Variants in PTPRN2 observed in about 807,000 individuals in gnomAD.
PTPRN2 encodes receptor-type tyrosine-protein phosphatase N2.
Under a neutral mutation model 118.8 loss-of-function variants are expected in PTPRN2, and 74 were observed. The observed-to-expected ratio is 0.62, with a 90% CI of 0.52 to 0.76. The LOEUF (loss-of-function observed/expected upper bound fraction) is 0.76. Among genes scored for constraint, PTPRN2 ranks in the 30% least tolerant of loss-of-function variants. The pLI is 0.00. For missense variants in PTPRN2, 1,481 were observed against 1,394.4 expected, an observed-to-expected ratio of 1.06 and a Z score of -0.99; for synonymous variants, 641 against 608.0, an observed-to-expected ratio of 1.05 and a Z score of -0.80.
chr7:158,128,090 C>T (rs1817845927), intron 9 of PTPRN2, among the ~76,000 whole-genome samples: 1 of 152,196 alleles, frequency 6.6e-6, no homozygotes. Context: ...CATTCCTCTC[C>T]TTTCTGTGGG....
intron 4 of PTPRN2, among the ~76,000 whole-genome samples, chr7:158,200,458 T>C (rs753542577): frequency 6.6e-6 from 1 of 152,200 alleles, no homozygotes; most frequent in Non-Finnish European, 1.5e-5. Flanking sequence ...ACTCACAGAT[T>C]ACTGTTTTTG....
At chr7:157,841,260 C>G (rs889314006) in intron 12 of PTPRN2, among the ~76,000 whole-genome samples, 1 of 152,244 alleles carries the variant, frequency 6.6e-6, no homozygotes, top group Non-Finnish European at 1.5e-5. Flanking sequence ...ACCGCCTTCA[C>G]TCCCCACACG....
At chr7:157,737,506 G>A (rs193294129) in intron 12 of PTPRN2, among the ~76,000 whole-genome samples, 3 of 152,238 alleles carry the variant, frequency 2.0e-5, no homozygotes, top group South Asian at 2.1e-4. Context: ...GGCAGGGGGC[G>A]CAGGCAGGAG....
chr7:158,074,188 C>A (rs1045085836), intron 11 of PTPRN2, among the ~76,000 whole-genome samples: 1 of 152,226 alleles, frequency 6.6e-6, no homozygotes, highest in South Asian at 2.1e-4. Context: ...CCCCCTCCTG[C>A]ACATCCAGGG....
chr7:158,171,050 T>C (rs1181360412), intron 5 of PTPRN2, among the ~76,000 whole-genome samples: 4 of 77,886 alleles, frequency 5.1e-5, no homozygotes, highest in Non-Finnish European at 8.6e-5. Flanking sequence ...CATACATATA[T>C]ATACACATAT....
At chr7:157,909,295 A>G (rs979496409) in intron 11 of PTPRN2, among the ~76,000 whole-genome samples, 3 of 152,202 alleles carry the variant, frequency 2.0e-5, no homozygotes, top group Admixed American at 1.3e-4. Context: ...CTTCACATAG[A>G]CTTTTAAATG....
intron 12 of PTPRN2, among the ~76,000 whole-genome samples, chr7:157,848,977 G>A (rs1529835): frequency 0.49 from 74,433 of 152,108 alleles, 20,175 homozygotes; most frequent in East Asian, 0.84. Flanking sequence ...CACTGCCCCA[G>A]TGAGAGGACT....
intron 12 of PTPRN2, among the ~76,000 whole-genome samples, chr7:157,872,182 C>A (rs1248349166): frequency 7.5e-6 from 1 of 133,498 alleles, no homozygotes; most frequent in Non-Finnish European, 1.6e-5. Flanking sequence ...ACATACCCAG[C>A]GCCTCCCCAC....
intron 15 of PTPRN2, among the ~76,000 whole-genome samples, chr7:157,612,247 G>A (rs1329038726): frequency 6.6e-6 from 1 of 152,204 alleles, no homozygotes. Flanking sequence ...GTGTGCGCTG[G>A]TGGCGACTTT....
intron 3 of PTPRN2, among the ~76,000 whole-genome samples, chr7:158,312,355 GAC>G (rs200795948): frequency 4.4e-4 from 63 of 142,206 alleles, no homozygotes; most frequent in Middle Eastern, 4.7e-3. Flanking sequence ...CTCAGGTGTA[GAC>G]ACACACACAT....
Position 157,550,802 on chromosome 7 carries a change from G to T in PTPRN2, c.2903-1783C>A, listed in dbSNP as rs1010534586. Among the ~76,000 whole-genome samples the T allele has an allele frequency of 3.0e-4, 45 of 152,338 alleles. No homozygotes were observed. The highest frequency in any genetic ancestry group is 9.6e-4 in the African/African-American group (40 of 41,582). On this transcript the variant is annotated intron_variant, in intron 21 of 22. Transcript: ENST00000389418. The surrounding 1 kb of genome is among the most constrained non-coding windows in gnomAD (Gnocchi z 5.2). ...ACCAGGGAACTAGCTGGCAGCTCACGCGGGTGGAAGGCGGGGTCAGGTGCA... is the reference window on the plus strand; with the variant it reads ...ACCAGGGAACTAGCTGGCAGCTCACTCGGGTGGAAGGCGGGGTCAGGTGCA...
At chr7:158,389,685 C>A (rs1384611291) in intron 2 of PTPRN2, among the ~76,000 whole-genome samples, 1 of 152,254 alleles carries the variant, frequency 6.6e-6, no homozygotes, top group Non-Finnish European at 1.5e-5. Context: ...GCTGCTGGAA[C>A]CAGGCCCTGC....
intron 12 of PTPRN2, among the ~76,000 whole-genome samples, chr7:157,791,073 ATAATC>A (rs1331470620): frequency 6.6e-6 from 1 of 152,252 alleles, no homozygotes; most frequent in Non-Finnish European, 1.5e-5. Flanking sequence ...CCCGTTTCTT[ATAATC>A]TAATTGATAA....
intron 12 of PTPRN2, among the ~76,000 whole-genome samples, chr7:157,841,795 C>A (rs539877380): frequency 6.6e-6 from 1 of 152,130 alleles, no homozygotes; most frequent in East Asian, 1.9e-4. Flanking sequence ...TTGCAGCGTT[C>A]GGGGTGCTGG....
chr7:157,860,138 C>T (rs1454197881), intron 12 of PTPRN2, among the ~76,000 whole-genome samples: 2 of 152,258 alleles, frequency 1.3e-5, no homozygotes, highest in African/African-American at 4.8e-5. Flanking sequence ...GAGCAGCAGC[C>T]CACTGGGGGA....
intron 2 of PTPRN2, among the ~76,000 whole-genome samples, chr7:158,338,305 C>G (rs1395551801): frequency 3.1e-5 from 2 of 64,764 alleles, no homozygotes; most frequent in Admixed American, 1.6e-4. Context: ...CACTCACACC[C>G]ACACTGTCAC....
At chr7:158,512,422 C>T (rs1455904495) in intron 1 of PTPRN2, among the ~76,000 whole-genome samples, 1 of 152,122 alleles carries the variant, frequency 6.6e-6, no homozygotes, top group Non-Finnish European at 1.5e-5. Context: ...ATGGTAAGAG[C>T]CTGGAGTTGG....
intron 2 of PTPRN2, among the ~76,000 whole-genome samples, chr7:158,421,840 G>A (rs1257734229): frequency 6.6e-6 from 1 of 152,192 alleles, no homozygotes; most frequent in Non-Finnish European, 1.5e-5. Flanking sequence ...ATTCATCAAT[G>A]CCTTTGGGCA....
rs1049442379 is a variant in PTPRN2 at position 157,764,839 on chromosome 7, A to G, written c.1789-81902T>C. On this transcript the variant is annotated intron_variant, in intron 12 of 22. Coordinates refer to ENST00000389418, the MANE Select transcript of PTPRN2 (RefSeq NM_002847.5). This position sits in a 1 kb window ranked among gnomAD's most constrained non-coding sequence, Gnocchi z 4.5. ...CAGCTGGGAAATGATCCATCCTGCC[A>G]TTCATCCATCCATCCATCAAGCACT... 6.6e-6 allele frequency among the ~76,000 whole-genome samples: 1 copy of G among 152,080 alleles called. No individual in the cohort carries two copies.
Sources: allele counts gnomAD v4.1 joint callset (sites outside exome capture counted in the v4.1 genomes callset), GRCh38; gene constraint gnomAD v4.1.1; non-coding constraint Gnocchi (gnomAD v3.1); transcripts MANE v1.5; gene names NCBI Gene and HGNC (gene_info 2026-07-23, HGNC 2026-07-21).